Variants in ABCA12 observed in about 807,000 individuals in gnomAD.
ABCA12 encodes ATP binding cassette subfamily A member 12.
Under a neutral mutation model 293.5 loss-of-function variants are expected in ABCA12, and 156 were observed. The observed-to-expected ratio is 0.53, with a 90% CI of 0.47 to 0.61. ABCA12 has a LOEUF of 0.61. ABCA12 is among the 20% of genes least tolerant of loss of function. The pLI is 0.00. For synonymous variants in ABCA12, 1,063 were observed against 1,108.0 expected, an observed-to-expected ratio of 0.96 and a Z score of 0.81; for missense variants, 2,797 against 3,090.2, an observed-to-expected ratio of 0.91 and a Z score of 2.25.
chr2:214,932,578 C>T lies in ABCA12; in HGVS notation c.*56G>A. The T allele has an allele frequency of 7.7e-7, 1 of 1,306,498 alleles. No homozygotes were observed. Among genetic ancestry groups the T allele is most frequent in the Non-Finnish European group, 1.1e-6 (1 of 903,208 alleles). The allele number at this position is 1,306,498 out of a possible 1,614,324, so 80.9% of individuals were successfully genotyped here. Reference sequence around the variant, plus strand: ...TCTTGCGGAAGTGTATCTTCTGTGGCTTTTCTTCAAAATGAAGCCATTGGT... The same window carrying T: ...TCTTGCGGAAGTGTATCTTCTGTGGTTTTTCTTCAAAATGAAGCCATTGGT... On this transcript the variant is annotated 3_prime_UTR_variant, in exon 53 of 53. Transcript: ENST00000272895.
At chr2:215,080,327 A>G (rs12476982) in intron 2 of ABCA12, among the ~76,000 whole-genome samples, 16,642 of 152,000 alleles carry the variant, frequency 0.11, 1,363 homozygotes, top group East Asian at 0.43. Flanking sequence ...GTGAGATATC[A>G]TATCTACCAA....
At chr2:215,077,227 C>CA (rs1223904954) in intron 2 of ABCA12, among the ~76,000 whole-genome samples, 1 of 152,074 alleles carries the variant, frequency 6.6e-6, no homozygotes, top group Non-Finnish European at 1.5e-5. Context: ...TTGTGCTTGC[C>CA]AATGTGTTTG....
chr2:215,017,163 G>C (rs938211877), intron 14 of ABCA12, among the ~76,000 whole-genome samples: 1 of 152,146 alleles, frequency 6.6e-6, no homozygotes, highest in Admixed American at 6.5e-5. Context: ...AACCTTAAAG[G>C]CTTTTTAGAA....
At chr2:215,101,446 A>G (rs1702355327) in intron 2 of ABCA12, among the ~76,000 whole-genome samples, 1 of 152,148 alleles carries the variant, frequency 6.6e-6, no homozygotes, top group African/African-American at 2.4e-5. Flanking sequence ...ATACTCTGCC[A>G]TTTGTCTATT....
intron 6 of ABCA12, among the ~76,000 whole-genome samples, chr2:215,047,709 A>C (rs551126474): frequency 3.5e-4 from 53 of 152,332 alleles, no homozygotes; most frequent in Middle Eastern, 6.8e-3. Flanking sequence ...ACCCCAAATT[A>C]TAAAAACCCT....
chr2:215,049,783 T>A lies in ABCA12; in HGVS notation c.536A>T (p.Asp179Val), dbSNP rs771624564. The A allele has an allele frequency of 3.1e-6, 5 of 1,613,290 alleles. No homozygotes were observed. Among genetic ancestry groups the A allele is most frequent in the Non-Finnish European group, 4.2e-6 (5 of 1,179,664 alleles). Residue 179 changes from aspartate to valine, a missense_variant, in exon 6 of 53, where the codon GAT (aspartate) becomes GTT (valine). Physicochemically the swap from Asp to Val is radical, Grantham distance 152. Transcript: ENST00000272895. ...KLLKQNSTSE[D>V]IRRELCDSYS... ...GCTGTCACATAGTTCTCTTCGTATA[T>A]CTTCTGAAGTTGAATTTTGCTTTAA...
chr2:215,134,464 A>G (rs111209671), intron 1 of ABCA12, among the ~76,000 whole-genome samples: 34,079 of 121,754 alleles, frequency 0.28, 8,654 homozygotes, highest in African/African-American at 0.67. Flanking sequence ...ACATATATGC[A>G]TATGTGTATG....
At chr2:214,988,130 C>A (rs1370362708) in intron 26 of ABCA12, among the ~76,000 whole-genome samples, 1 of 152,106 alleles carries the variant, frequency 6.6e-6, no homozygotes, top group Non-Finnish European at 1.5e-5. Context: ...GGGTTTCCAG[C>A]CCAGAAAAAG....
chr2:215,060,273 C>T (rs1257264289), intron 3 of ABCA12, among the ~76,000 whole-genome samples: 2 of 152,044 alleles, frequency 1.3e-5, no homozygotes, highest in Non-Finnish European at 2.9e-5. Flanking sequence ...GCATATGCCT[C>T]ATGCATTTCT....
intron 2 of ABCA12, among the ~76,000 whole-genome samples, chr2:215,071,369 C>A (rs1701735862): frequency 6.6e-6 from 1 of 151,586 alleles, no homozygotes; most frequent in African/African-American, 2.4e-5. Flanking sequence ...TTGTAGATAA[C>A]CTCCGAGAAA....
At chr2:215,066,390 G>A (rs1419958894) in intron 2 of ABCA12, among the ~76,000 whole-genome samples, 1 of 151,906 alleles carries the variant, frequency 6.6e-6, no homozygotes, top group Non-Finnish European at 1.5e-5. Flanking sequence ...GCTGAGTCAG[G>A]CAGTACTGAA....
intron 1 of ABCA12, among the ~76,000 whole-genome samples, chr2:215,121,259 G>C (rs563111460): frequency 1.3e-5 from 2 of 152,108 alleles, no homozygotes; most frequent in Non-Finnish European, 2.9e-5. Context: ...ACTACAAAAT[G>C]GATTACTGGC....
At chr2:215,041,109 T>C (rs1409083294) in intron 7 of ABCA12, among the ~76,000 whole-genome samples, 3 of 152,206 alleles carry the variant, frequency 2.0e-5, no homozygotes, top group African/African-American at 4.8e-5. Flanking sequence ...GAAATGTATA[T>C]GTTAAATAGC....
chr2:214,939,610 T>C (rs1221270803), intron 50 of ABCA12, among the ~76,000 whole-genome samples: 1 of 152,222 alleles, frequency 6.6e-6, no homozygotes, highest in Non-Finnish European at 1.5e-5. Flanking sequence ...GGAATGTTTT[T>C]CCATTTGTTT....
chr2:215,063,823 T>C (rs1701584606), intron 3 of ABCA12, among the ~76,000 whole-genome samples: 1 of 152,008 alleles, frequency 6.6e-6, no homozygotes, highest in Admixed American at 6.6e-5. Context: ...AAAGGAGGAC[T>C]ACTTTAGTCA....
At chr2:215,027,031 G>A (rs1700761639) in intron 9 of ABCA12, 93 bp from the exon 10 acceptor site, 2 of 930,980 alleles carry the variant, frequency 2.1e-6, no homozygotes, top group Admixed American at 3.5e-5. Context: ...GTTTGGCATT[G>A]GTTGACTTGG....
At position 215,138,242 on chromosome 2, in the gene ABCA12, C is replaced by T. The variant is rs181894731; in HGVS notation, c.-34G>A. The T allele has an allele frequency of 6.2e-7, 1 of 1,606,128 alleles. No individual in the cohort carries two copies. The highest frequency in any genetic ancestry group is 8.5e-7 in the Non-Finnish European group (1 of 1,172,772). On this transcript the variant is annotated 5_prime_UTR_variant, in exon 1 of 53. Coordinates refer to ENST00000272895, the MANE Select transcript of ABCA12 (RefSeq NM_173076.3). The stretch of plus-strand genomic sequence containing the variant: ...TGCCCCAAATGAGAGATTTCCTCTT[C>T]TTTTCTCCACTCCACAAATGAAGAA...
In ABCA12 at chr2:214,953,892, C is replaced by T; in HGVS notation, c.6609G>A (p.Leu2203=). The part of the protein sequence containing the change: ...LVSQGTMFFS[L]RLLINESLIK... ...TCAGGGATTCGTTGATTAAGAGTCG[C>T]AAGGAAAAAAACATGGTGCCCTGAG... The change falls in exon 44 of 53, where the codon TTG becomes TTA. Residue 2203 remains leucine, a synonymous_variant. Coordinates refer to ENST00000272895, the MANE Select transcript of ABCA12 (RefSeq NM_173076.3). 2 of 1,613,774 alleles carry T rather than the reference C, an allele frequency of 1.2e-6. No homozygotes were observed. Among genetic ancestry groups the T allele is most frequent in the Non-Finnish European group, 1.7e-6 (2 of 1,179,900 alleles).
chr2:215,055,450 G>A lies in ABCA12; in HGVS notation c.318-786C>T, dbSNP rs1996938. Reference sequence around the variant, plus strand: ...TCTTGAAAACTGGATGTATCTAAAAGCTCGTGCCTAAAATAAGTATGTATG... The same window carrying A: ...TCTTGAAAACTGGATGTATCTAAAAACTCGTGCCTAAAATAAGTATGTATG... On this transcript the variant is annotated intron_variant, in intron 3 of 52. Coordinates refer to ENST00000272895, the MANE Select transcript of ABCA12 (RefSeq NM_173076.3). Among the ~76,000 whole-genome samples, 778 of 152,114 alleles carry A rather than the reference G, an allele frequency of 5.1e-3. 10 individuals carry two copies. In the South Asian group the frequency reaches 0.056, roughly 11 times the overall value.
Sources: allele counts gnomAD v4.1 joint callset (sites outside exome capture counted in the v4.1 genomes callset), GRCh38; gene constraint gnomAD v4.1.1; transcripts MANE v1.5; gene names NCBI Gene and HGNC (gene_info 2026-07-23, HGNC 2026-07-21).